Variants in COG5 observed in about 807,000 individuals in gnomAD.
COG5 encodes component of oligomeric golgi complex 5, also known as conserved oligomeric Golgi complex subunit 5.
A neutral mutation model predicts 110.4 loss-of-function variants in COG5; 86 were observed. That is an observed-to-expected ratio of 0.78 (90% CI 0.65 to 0.93). The LOEUF (loss-of-function observed/expected upper bound fraction) is 0.93, where lower values mean the gene tolerates loss of function less well. Among genes scored for constraint, COG5 ranks in the 40% least tolerant of loss-of-function variants. The pLI is 0.00. For missense variants in COG5, 1,077 were observed against 987.0 expected (o/e 1.09, Z -1.22); for synonymous variants, 360 against 334.6 (o/e 1.08, Z -0.83).
At chr7:107,431,709 C>A (rs1201577236) in intron 6 of COG5, among the ~76,000 whole-genome samples, 2 of 152,142 alleles carry the variant, frequency 1.3e-5, no homozygotes, top group Non-Finnish European at 2.9e-5. Flanking sequence ...AAACATAGCT[C>A]ACTGTGGTCT....
chr7:107,515,565 C>T (rs1328196491), intron 6 of COG5, among the ~76,000 whole-genome samples: 2 of 152,154 alleles, frequency 1.3e-5, no homozygotes, highest in Non-Finnish European at 2.9e-5. Context: ...GTCATCCTCA[C>T]CCTCCTGTGA....
rs572650213 is a variant in COG5, at chr7:107,553,848, TTAAC to T, written c.292+433_292+436del. 5.5e-3 allele frequency among the ~76,000 whole-genome samples: 843 copies of T among 152,352 alleles called. 8 individuals are homozygous for T. Among genetic ancestry groups the T allele is most frequent in the African/African-American group, 0.02 (812 of 41,582 alleles). On this transcript the variant is annotated intron_variant, in intron 3 of 21. Transcript: ENST00000297135. ...ATTGTTGATGTTTTTATTGTTTTAA[TTAAC>T]TAACACTTACAGGTGCACTAAATAT...
intron 17 of COG5, among the ~76,000 whole-genome samples, chr7:107,237,037 C>G (rs534377292): frequency 1.3e-5 from 2 of 152,324 alleles, no homozygotes; most frequent in Non-Finnish European, 2.9e-5. Context: ...TCCATCCACT[C>G]ACATGTTTTG....
intron 12 of COG5, among the ~76,000 whole-genome samples, chr7:107,285,329 G>A (rs1182067715): frequency 1.3e-5 from 2 of 152,154 alleles, no homozygotes; most frequent in Non-Finnish European, 2.9e-5. Context: ...TTTTACTCAT[G>A]ACATCTACTG....
chr7:107,210,545 C>A lies in COG5; in HGVS notation c.2356G>T (p.Asp786Tyr). The change falls in exon 21 of 22, where the codon GAC becomes TAC. Residue 786 changes from aspartate (D) to tyrosine (Y), a missense_variant. By Grantham distance (160) the Asp-to-Tyr change is radical. Coordinates refer to ENST00000297135, the MANE Select transcript of COG5 (RefSeq NM_006348.5). ...CTTTACCTGATGAGGAGGAGCCTGTCCTTTTCAGATGGATGGTCATCCAGC... is the reference window on the plus strand; with the variant it reads ...CTTTACCTGATGAGGAGGAGCCTGTACTTTTCAGATGGATGGTCATCCAGC... ...QWLDDHPSEKDRLLLIRGALE... is the reference protein window; with the variant it reads ...QWLDDHPSEKYRLLLIRGALE... 1.9e-6 allele frequency: 3 copies of A among 1,601,970 alleles called. No homozygotes were observed. Among genetic ancestry groups the A allele is most frequent in the Middle Eastern group, 1.8e-4 (1 of 5,710 alleles).
rs544596125 is a variant in COG5, at chr7:107,339,044, A to T, written c.1027-14523T>A. 4.6e-5 allele frequency among the ~76,000 whole-genome samples: 7 copies of T among 152,274 alleles called. 1 individual carries two copies. The East Asian group carries it at 1.3e-3, about 29-fold the overall frequency. ...GCTATCAATATAAACCTTGAATGTA[A>T]ATACCCTAAATGCTCCAGGTAAAAG... On this transcript the variant is annotated intron_variant, in intron 10 of 21. Transcript: ENST00000297135.
intron 10 of COG5, among the ~76,000 whole-genome samples, chr7:107,345,053 T>C (rs1473445909): frequency 1.3e-5 from 2 of 152,124 alleles, no homozygotes; most frequent in African/African-American, 2.4e-5. Flanking sequence ...GAGGTCACTG[T>C]AGGGTTATTA....
At chr7:107,403,972 C>T (rs1791628351) in intron 7 of COG5, among the ~76,000 whole-genome samples, 1 of 151,902 alleles carries the variant, frequency 6.6e-6, no homozygotes, top group Admixed American at 6.6e-5. Flanking sequence ...AGAAACATCA[C>T]CCATTTCTTT....
chr7:107,540,562 G>A (rs1297637415), intron 5 of COG5, among the ~76,000 whole-genome samples: 1 of 149,640 alleles, frequency 6.7e-6, no homozygotes, highest in African/African-American at 2.5e-5. Context: ...CAAGTGACAG[G>A]GCAAGGCCCT....
intron 6 of COG5, among the ~76,000 whole-genome samples, chr7:107,453,047 C>A (rs1795436123): frequency 6.6e-6 from 1 of 152,188 alleles, no homozygotes; most frequent in Admixed American, 6.5e-5. Context: ...GCATCTTTTA[C>A]TAAACTACAA....
At position 107,511,116 on chromosome 7, in the gene COG5, T is replaced by G. The variant is rs6949861; in HGVS notation, c.538+16121A>C. The stretch of plus-strand genomic sequence containing the variant: ...TTAATGAATCCAGGAGCTGGTTTTT[T>G]GAAAAGATCAACAAAACTGATAGAC... On this transcript the variant is annotated intron_variant, in intron 6 of 21. Transcript: ENST00000297135. Among the ~76,000 whole-genome samples, 823 of 148,594 alleles carry G rather than the reference T, an allele frequency of 5.5e-3. 11 individuals carry two copies. The highest frequency in any genetic ancestry group is 0.02 in the African/African-American group (794 of 40,672).
intron 16 of COG5, among the ~76,000 whole-genome samples, chr7:107,254,185 G>GACTGTTA (rs1224650790): frequency 6.6e-6 from 1 of 152,058 alleles, no homozygotes; most frequent in Non-Finnish European, 1.5e-5. Flanking sequence ...GAGAAGAAAG[G>GACTGTTA]ACTGTTATAT....
Position 107,563,886 on chromosome 7 carries a change from C to T in COG5, c.11G>A (p.Gly4Asp). Residue 4 changes from glycine to aspartate, a missense_variant, in exon 1 of 22, where the codon GGC becomes GAC. By Grantham distance (94) the Gly-to-Asp change is moderately conservative. Coordinates refer to ENST00000297135, the MANE Select transcript of COG5 (RefSeq NM_006348.5). ...GCCAGCTACAGCGACGCTGCCGCCG[C>T]CACCTTCCATGTTGGCAGGTGCCGG... is the stretch of plus-strand genomic sequence containing the variant. MEG[G>D]GGSVAVAGLG... is the part of the protein sequence containing the mutation. 1.2e-6 allele frequency: 2 copies of T among 1,613,794 alleles called. No homozygotes were observed. Among genetic ancestry groups the T allele is most frequent in the Non-Finnish European group, 1.7e-6 (2 of 1,179,962 alleles).
Position 107,314,039 on chromosome 7 carries a change from T to C in COG5, c.1108+10401A>G, listed in dbSNP as rs548870992. ...TGAAAGATAAACATATTATGGTATA[T>C]TCACAGGATGGAATATTTTACCATT... is the stretch of plus-strand genomic sequence containing the variant. On this transcript the variant is annotated intron_variant, in intron 11 of 21. Coordinates refer to ENST00000297135, the MANE Select transcript of COG5 (RefSeq NM_006348.5). Among the ~76,000 whole-genome samples the C allele has an allele frequency of 1.6e-3, 251 of 152,284 alleles. 2 individuals carry two copies. Among genetic ancestry groups the C allele is most frequent in the African/African-American group, 5.9e-3 (246 of 41,558 alleles).
chr7:107,282,762 C>T (rs1805286391), intron 13 of COG5, among the ~76,000 whole-genome samples: 1 of 152,150 alleles, frequency 6.6e-6, no homozygotes. Context: ...ATCCACCCAC[C>T]TCCGCCTCCC....
Position 107,281,373 on chromosome 7 carries a change from G to A in COG5, c.1502C>T (p.Thr501Ile), listed in dbSNP as rs756634655. The change falls in exon 14 of 22, where the codon ACA becomes ATA. Residue 501 changes from threonine to isoleucine, a missense_variant. Coordinates refer to ENST00000297135, the MANE Select transcript of COG5 (RefSeq NM_006348.5). Reference sequence around the variant, plus strand: ...TTTTGACACAGCTAATGTGAGGTTTGTATCAACAGCAGCAACATTTAGTTC... The same window carrying A: ...TTTTGACACAGCTAATGTGAGGTTTATATCAACAGCAGCAACATTTAGTTC... ...ASELNVAAVD[T>I]NLTLAVSKNV... The A allele has an allele frequency of 6.2e-7, 1 of 1,613,294 alleles. No homozygotes were observed. Among genetic ancestry groups the A allele is most frequent in the Admixed American group, 1.7e-5 (1 of 60,018 alleles).
chr7:107,383,416 C>T (rs778743123), intron 7 of COG5, among the ~76,000 whole-genome samples: 8 of 152,146 alleles, frequency 5.3e-5, no homozygotes, highest in South Asian at 2.1e-4. Context: ...CCCCAACCTT[C>T]CTGTTTCATG....
chr7:107,295,972 C>A (rs532639031), intron 12 of COG5, among the ~76,000 whole-genome samples: 45 of 151,784 alleles, frequency 3.0e-4, no homozygotes, highest in African/African-American at 1.1e-3. Context: ...TTGTTTTTTT[C>A]AGTAGAGATG....
Position 107,321,234 on chromosome 7 carries a change from T to C in COG5, c.1108+3206A>G, listed in dbSNP as rs147758180. Among the ~76,000 whole-genome samples the C allele has an allele frequency of 6.4e-3, 977 of 152,168 alleles. 15 individuals are homozygous for C. Among genetic ancestry groups the C allele is most frequent in the African/African-American group, 0.022 (926 of 41,518 alleles). ...ACATATAGAATAGCATCAAAATATA[T>C]AAAACAGTGATAAATTTAAGAAAAG... On this transcript the variant is annotated intron_variant, in intron 11 of 21. Transcript: ENST00000297135.
Sources: gnomAD v4.1 joint callset for allele counts (sites outside exome capture counted in the v4.1 genomes callset) on GRCh38, gnomAD v4.1.1 for gene constraint, MANE v1.5 for transcripts, NCBI Gene and HGNC (gene_info 2026-07-23, HGNC 2026-07-21) for gene names.